COL20A1: variants seen among roughly 807,000 people sequenced by gnomAD.
COL20A1 encodes collagen alpha-1(XX) chain.
In COL20A1, 164 loss-of-function variants were observed where a neutral mutation model predicts 152.9. The observed-to-expected ratio is 1.07, with a 90% CI of 0.94 to 1.22. The LOEUF is 1.22. COL20A1 is among the 50% of genes most tolerant of loss of function. COL20A1 has a pLI of 0.00. For missense variants in COL20A1, 1,873 were observed against 1,744.8 expected (o/e 1.07, Z -1.31); for synonymous variants, 864 against 756.0 (o/e 1.14, Z -2.34).
intron 25 of COL20A1, 87 bp downstream of exon 25, chr20:63,320,455 G>C: frequency 1.6e-6 from 2 of 1,282,178 alleles, no homozygotes. Context: ...CAGTTGGCCT[G>C]TCCAGATTGT....
At chr20:63,328,183 C>T in intron 33 of COL20A1, 56 bp downstream of exon 33, 6 of 1,599,284 alleles carry the variant, frequency 3.8e-6, no homozygotes, top group East Asian at 2.2e-5. Flanking sequence ...GTGCCTACCA[C>T]ACCTGTCTGT....
intron 35 of COL20A1, 111 bp downstream of exon 35, chr20:63,329,772 G>T (rs2068308042): frequency 1.3e-6 from 1 of 758,134 alleles, no homozygotes; most frequent in East Asian, 2.8e-5. Context: ...GGGGTGCTGG[G>T]AGCACAAGGC....
intron 28 of COL20A1, 25 bp downstream of exon 28, chr20:63,325,519 C>T (rs768130918): frequency 4.6e-5 from 73 of 1,603,452 alleles, no homozygotes; most frequent in Non-Finnish European, 6.0e-5. Context: ...GCCAGGGGGC[C>T]ACAGGGGTTG....
rs962966387 is a variant in COL20A1 at position 63,305,205 on chromosome 20, T to A, written c.194-212T>A. Among the ~76,000 whole-genome samples, 3 of 152,056 alleles carry A rather than the reference T, an allele frequency of 2.0e-5. No homozygotes were observed. Among genetic ancestry groups the A allele is most frequent in the Admixed American group, 6.5e-5 (1 of 15,268 alleles). Reference sequence around the variant, plus strand: ...CTAGGGGGGTTTAGTAAGTGACATCTTCTTTTCACCGCCCCAAGACCCCCA... The same window carrying A: ...CTAGGGGGGTTTAGTAAGTGACATCATCTTTTCACCGCCCCAAGACCCCCA... On this transcript the variant is annotated intron_variant, in intron 3 of 35. Coordinates refer to ENST00000358894, the MANE Select transcript of COL20A1 (RefSeq NM_020882.4). The surrounding 1 kb of genome is among the most constrained non-coding windows in gnomAD (Gnocchi z 4.9).
At chr20:63,325,006 G>A (rs2068222344) in intron 27 of COL20A1, 3 of 303,246 alleles carry the variant, frequency 9.9e-6, no homozygotes, top group Non-Finnish European at 1.9e-5. Context: ...AGGGCTGGGG[G>A]TGAGGTTGGT....
chr20:63,327,794 A>G, intron 31 of COL20A1, 158 bp from the exon 32 acceptor site: 1 of 715,008 alleles, frequency 1.4e-6, no homozygotes, highest in South Asian at 1.8e-5. Context: ...CGAGGACCAC[A>G]GGCTCCTAGG....
At chr20:63,320,412 C>A in intron 25 of COL20A1, 44 bp downstream of exon 25, 1 of 1,573,232 alleles carries the variant, frequency 6.4e-7, no homozygotes, top group South Asian at 1.1e-5. Flanking sequence ...CAAGTTAGGG[C>A]AAGTGCCCAC....
In COL20A1 at chr20:63,325,498, G is replaced by A. The variant is rs1786534720; in HGVS notation, c.3348+4G>A. ...CCATGGGCTTCCAGGCTTGCAGGTA[G>A]TGTGGCTGGGGCCAGGGGGCCACAG... On this transcript the variant is annotated splice_donor_region_variant and intron_variant, in intron 28 of 35. Transcript: ENST00000358894. 4.3e-6 allele frequency: 7 copies of A among 1,612,108 alleles called. No individual in the cohort carries two copies. The highest frequency in any genetic ancestry group is 5.1e-6 in the Non-Finnish European group (6 of 1,179,256).
Position 63,311,928 on chromosome 20 carries a change from C to A in COL20A1, c.1676C>A (p.Pro559His), listed in dbSNP as rs964616567. Reference protein sequence around the residue: ...GIRARTPTLAPPRHLGFSDVS... With the variant: ...GIRARTPTLAHPRHLGFSDVS... ...CTGTGCTTTGCAGCCACCCTGGCCC[C>A]CCCGAGACACCTGGGCTTCTCAGAC... Residue 559 changes from proline to histidine, a missense_variant, in exon 14 of 36, where the codon CCC becomes CAC. Coordinates refer to ENST00000358894, the MANE Select transcript of COL20A1 (RefSeq NM_020882.4). The surrounding 1 kb of genome is among the most constrained non-coding windows in gnomAD (Gnocchi z 4.4). 1.3e-6 allele frequency: 2 copies of A among 1,561,864 alleles called. No homozygotes were observed. Among genetic ancestry groups the A allele is most frequent in the African/African-American group, 1.4e-5 (1 of 73,692 alleles).
chr20:63,327,831 ACACCGC>A, intron 31 of COL20A1, 115 bp from the exon 32 acceptor site: 2 of 1,021,028 alleles, frequency 2.0e-6, no homozygotes, highest in Non-Finnish European at 2.9e-6. Context: ...TGGGGCTTTC[ACACCGC>A]CACTGTGGCT....
At position 63,297,948 on chromosome 20, in the gene COL20A1, C is replaced by A. The variant is rs376288950; in HGVS notation, c.121C>A (p.Arg41=). 6 of 1,613,302 alleles carry A rather than the reference C, an allele frequency of 3.7e-6. No homozygotes were observed. The South Asian group carries it at 6.6e-5, about 18-fold the overall frequency. Residue 41 remains arginine, a synonymous_variant, in exon 3 of 36, where the codon CGG becomes AGG. Transcript: ENST00000358894. ...LLRLAVLPED[R]LQMKWRESEG... is the part of the protein sequence containing the mutation. ...GAGGCTGGCTGTGCTGCCTGAGGAC[C>A]GGCTGCAGATGAAGTGGAGAGAGTC...
chr20:63,299,769 T>C (rs1361570352), intron 3 of COL20A1, among the ~76,000 whole-genome samples: 1 of 152,064 alleles, frequency 6.6e-6, no homozygotes, highest in African/African-American at 2.4e-5. Context: ...ATTTGATTAA[T>C]GTAGTAAACT....
intron 1 of COL20A1, among the ~76,000 whole-genome samples, chr20:63,294,646 G>T (rs1299769657): frequency 2.0e-5 from 3 of 152,256 alleles, no homozygotes; most frequent in Non-Finnish European, 4.4e-5. Context: ...CGCCTCCAGG[G>T]CGAGGCTGGG....
At position 63,313,389 on chromosome 20, in the gene COL20A1, G is replaced by T; in HGVS notation, c.2209+140G>T. The stretch of plus-strand genomic sequence containing the variant: ...AGAGCCCTGATCACTGGGCCTGGTC[G>T]TTGGAGTCTGCAGCACTTCCTTGAG... On this transcript the variant is annotated intron_variant, in intron 17 of 35. Transcript: ENST00000358894. The surrounding 1 kb of genome is among the most constrained non-coding windows in gnomAD (Gnocchi z 5.9). 1 of 961,400 alleles carries T rather than the reference G, an allele frequency of 1.0e-6. No individual in the cohort carries two copies. The highest frequency in any genetic ancestry group is 1.5e-6 in the Non-Finnish European group (1 of 662,144). The allele number at this position is 961,400 out of a possible 1,614,324, so 59.6% of individuals were successfully genotyped here. A position where few individuals can be genotyped will look rare whatever the true frequency, so the allele number is the denominator to read the frequency against.
chr20:63,315,362 TG>T, intron 19 of COL20A1, 41 bp from the exon 20 acceptor site: 1 of 1,548,472 alleles, frequency 6.5e-7, no homozygotes. Flanking sequence ...CGTTGGAGGC[TG>T]GGCCGCTCCC....
rs200559599 is a variant in COL20A1 at position 63,311,562 on chromosome 20, G to A, written c.1539+23G>A. The A allele has an allele frequency of 1.9e-4, 301 of 1,606,660 alleles. 1 individual carries two copies. Among genetic ancestry groups the A allele is most frequent in the Non-Finnish European group, 2.3e-4 (273 of 1,177,534 alleles). ...GAGGTGAGCTGGGCCGGGGGGTGGC[G>A]GGGGAGGCAGAGGAGTGGGGCAGAG... is the stretch of plus-strand genomic sequence containing the variant. On this transcript the variant is annotated intron_variant, in intron 12 of 35. Coordinates refer to ENST00000358894, the MANE Select transcript of COL20A1 (RefSeq NM_020882.4). This position sits in a 1 kb window ranked among gnomAD's most constrained non-coding sequence, Gnocchi z 4.4.
At chr20:63,309,695 G>C in intron 9 of COL20A1, 63 bp from the exon 10 acceptor site, 1 of 1,421,314 alleles carries the variant, frequency 7.0e-7, no homozygotes, top group Non-Finnish European at 9.4e-7. Flanking sequence ...GGCCACCAGG[G>C]GGAGCGTGGA....
At chr20:63,308,363 G>C (rs1392861455) in intron 7 of COL20A1, among the ~76,000 whole-genome samples, 179 bp from the exon 8 acceptor site, 1 of 152,240 alleles carries the variant, frequency 6.6e-6, no homozygotes. Flanking sequence ...GTAGGGTCTG[G>C]CTGGGGAACT....
intron 3 of COL20A1, among the ~76,000 whole-genome samples, chr20:63,303,190 C>T (rs1949782534): frequency 6.6e-6 from 1 of 152,154 alleles, no homozygotes; most frequent in Admixed American, 6.5e-5. Context: ...GACCTTAGAA[C>T]ATCACAATAA....
Sources: gnomAD v4.1 joint callset for allele counts (sites outside exome capture counted in the v4.1 genomes callset) on GRCh38, gnomAD v4.1.1 for gene constraint, Gnocchi (gnomAD v3.1) non-coding constraint, MANE v1.5 for transcripts, NCBI Gene and HGNC (gene_info 2026-07-23, HGNC 2026-07-21) for gene names.